The following ATP10B variants were observed in gnomAD, a reference collection of about 807,000 sequenced individuals.
ATP10B encodes the protein ATPase phospholipid transporting 10B (putative).
Under a neutral mutation model 141.2 loss-of-function variants are expected in ATP10B, and 122 were observed. That is an observed-to-expected ratio of 0.86 (90% CI 0.75 to 1.00). The LOEUF (loss-of-function observed/expected upper bound fraction) is 1.00, where lower values mean the gene tolerates loss of function less well. Among genes scored for constraint, ATP10B ranks in the 50% least tolerant of loss-of-function variants. The pLI is 0.00. For missense variants in ATP10B, 1,876 were observed against 1,825.3 expected (o/e 1.03, Z -0.51); for synonymous variants, 685 against 692.0 (o/e 0.99, Z 0.16).
chr5:160,782,541 G>A (rs1455605369), intron 2 of ATP10B, among the ~76,000 whole-genome samples: 1 of 151,048 alleles, frequency 6.6e-6, no homozygotes, highest in Non-Finnish European at 1.5e-5. Context: ...GGATCATGCA[G>A]TATCAATATT....
intron 1 of ATP10B, among the ~76,000 whole-genome samples, chr5:160,825,508 T>C (rs1372245254): frequency 6.6e-6 from 1 of 152,212 alleles, no homozygotes; most frequent in Non-Finnish European, 1.5e-5. Flanking sequence ...TGTGGAACTG[T>C]GAGTCCATCA....
intron 7 of ATP10B, among the ~76,000 whole-genome samples, chr5:160,664,401 A>G (rs1450804841): frequency 1.3e-5 from 2 of 152,224 alleles, no homozygotes; most frequent in East Asian, 1.9e-4. Context: ...AGAGGATCCA[A>G]GCTATAGCAG....
At chr5:160,768,987 T>C (rs767378530) in intron 2 of ATP10B, among the ~76,000 whole-genome samples, 10 of 152,002 alleles carry the variant, frequency 6.6e-5, no homozygotes, top group Non-Finnish European at 1.3e-4. Context: ...AAGTAAGGGG[T>C]CTTCCCCATG....
At chr5:160,726,737 T>C (rs948089218) in intron 2 of ATP10B, among the ~76,000 whole-genome samples, 2 of 149,730 alleles carry the variant, frequency 1.3e-5, no homozygotes, top group African/African-American at 2.5e-5. Context: ...CTCTCATTTA[T>C]TGGGTACTAT....
chr5:160,681,074 C>T (rs1763369734), intron 6 of ATP10B, among the ~76,000 whole-genome samples: 1 of 152,104 alleles, frequency 6.6e-6, no homozygotes, highest in Non-Finnish European at 1.5e-5. Context: ...ATGCTGATCA[C>T]CCTCCTACCT....
the ATP10B span, among the ~76,000 whole-genome samples, chr5:160,911,297 A>T: frequency 6.6e-6 from 1 of 152,216 alleles, no homozygotes; most frequent in Non-Finnish European, 1.5e-5. Flanking sequence ...TAAAATCATC[A>T]TTCTTCCTCA....
chr5:160,796,773 C>A (rs1771975479), intron 1 of ATP10B, among the ~76,000 whole-genome samples: 2 of 152,138 alleles, frequency 1.3e-5, no homozygotes, highest in Non-Finnish European at 2.9e-5. Context: ...TGAGAGTGGA[C>A]TCCTCACACA....
intron 7 of ATP10B, among the ~76,000 whole-genome samples, chr5:160,666,268 C>T (rs1296498838): frequency 6.6e-6 from 1 of 152,118 alleles, no homozygotes; most frequent in African/African-American, 2.4e-5. Context: ...ACTCAAGTCC[C>T]TACTCAGTCC....
At chr5:160,574,992 A>G (rs1282315397) in intron 24 of ATP10B, among the ~76,000 whole-genome samples, 1 of 151,376 alleles carries the variant, frequency 6.6e-6, no homozygotes, top group African/African-American at 2.4e-5. Context: ...AATAGCATAA[A>G]CTGACTAAGA....
chr5:160,913,714 C>T, the ATP10B span, among the ~76,000 whole-genome samples: 2 of 152,128 alleles, frequency 1.3e-5, no homozygotes, highest in Non-Finnish European at 2.9e-5. Flanking sequence ...TCTTTATGCT[C>T]TTGCACTTTT....
At chr5:160,642,419 T>C (rs1381990320) in intron 9 of ATP10B, among the ~76,000 whole-genome samples, 1 of 152,182 alleles carries the variant, frequency 6.6e-6, no homozygotes, top group Non-Finnish European at 1.5e-5. Flanking sequence ...TACCCGTTGA[T>C]AATGTCAAGG....
intron 24 of ATP10B, among the ~76,000 whole-genome samples, chr5:160,570,291 T>C (rs1754795377): frequency 1.3e-5 from 2 of 152,206 alleles, no homozygotes; most frequent in African/African-American, 4.8e-5. Flanking sequence ...AAATATTTTC[T>C]TTATTCTAGG....
chr5:160,602,794 A>G (rs1757167784), intron 20 of ATP10B, 92 bp from the exon 21 acceptor site: 1 of 1,567,976 alleles, frequency 6.4e-7, no homozygotes, highest in Non-Finnish European at 8.7e-7. Context: ...GTCTAGGCCT[A>G]CGGCCAGCAG....
chr5:160,678,397 C>T (rs893396035), intron 6 of ATP10B, among the ~76,000 whole-genome samples: 48 of 152,282 alleles, frequency 3.2e-4, no homozygotes, highest in African/African-American at 1.1e-3. Context: ...TGGTGGCTCA[C>T]GCCATAATAC....
chr5:160,619,316 G>C (rs1485311475), intron 15 of ATP10B, among the ~76,000 whole-genome samples: 1 of 152,104 alleles, frequency 6.6e-6, no homozygotes, highest in African/African-American at 2.4e-5. Flanking sequence ...AATTCTTATA[G>C]TAACATTGTG....
At chr5:160,778,473 G>T (rs1281020654) in intron 2 of ATP10B, among the ~76,000 whole-genome samples, 1 of 152,176 alleles carries the variant, frequency 6.6e-6, no homozygotes, top group Non-Finnish European at 1.5e-5. Flanking sequence ...AGAAGAGGCT[G>T]AAAGTCAGTT....
intron 2 of ATP10B, among the ~76,000 whole-genome samples, chr5:160,740,018 G>C (rs770459718): frequency 3.3e-5 from 5 of 152,150 alleles, no homozygotes; most frequent in Admixed American, 6.5e-5. Context: ...ATAAATAAGT[G>C]AGGAAGAAGG....
At chr5:160,817,984 A>C (rs1773795012) in intron 1 of ATP10B, among the ~76,000 whole-genome samples, 1 of 152,216 alleles carries the variant, frequency 6.6e-6, no homozygotes, top group Admixed American at 6.5e-5. Flanking sequence ...CTTACACCTT[A>C]TACAAAAATT....
chr5:160,633,884 C>A (rs1388531168), intron 12 of ATP10B: 3 of 290,698 alleles, frequency 1.0e-5, no homozygotes, highest in African/African-American at 6.6e-5. Context: ...AAAACTTTGC[C>A]TCAGTGACAA....
Sources: allele counts gnomAD v4.1 joint callset (sites outside exome capture counted in the v4.1 genomes callset), GRCh38; gene constraint gnomAD v4.1.1; transcripts MANE v1.5; gene names NCBI Gene and HGNC (gene_info 2026-07-23, HGNC 2026-07-21).